ULK2: variants seen among roughly 807,000 people sequenced by gnomAD.
ULK2 encodes the protein serine/threonine-protein kinase ULK2.
In ULK2, 76 loss-of-function variants were observed where a neutral mutation model predicts 127.5. The ratio of observed to expected loss-of-function variants is 0.60; its 90% CI spans 0.50 to 0.72. The LOEUF is 0.72. Ranked by LOEUF, ULK2 falls within the 30% of genes least tolerant of loss-of-function variation. The probability of loss-of-function intolerance (pLI) is 0.00; values close to 1 mark genes in which losing one functional copy is unlikely to be tolerated. For synonymous variants in ULK2, 452 were observed against 461.9 expected (o/e 0.98, Z 0.28); for missense variants, 1,144 against 1,295.9 (o/e 0.88, Z 1.80).
At chr17:19,797,324 A>G in intron 18 of ULK2, 72 bp downstream of exon 18, 1 of 1,438,624 alleles carries the variant, frequency 7.0e-7, no homozygotes, top group African/African-American at 1.4e-5. Flanking sequence ...AATTATAGCT[A>G]TTCTCATAAT....
intron 16 of ULK2, among the ~76,000 whole-genome samples, chr17:19,800,751 ATTTT>A (rs1220518188): frequency 6.6e-6 from 1 of 151,572 alleles, no homozygotes; most frequent in Non-Finnish European, 1.5e-5. Context: ...TCCTGGAAGT[ATTTT>A]TTTTACAGTT....
At chr17:19,851,707 A>G (rs2152399954) in intron 3 of ULK2, among the ~76,000 whole-genome samples, 1 of 152,172 alleles carries the variant, frequency 6.6e-6, no homozygotes, top group South Asian at 2.1e-4. Flanking sequence ...TTCTTCTGGA[A>G]AAAGGAAATA....
At chr17:19,853,091 C>G (rs945172176) in intron 3 of ULK2, among the ~76,000 whole-genome samples, 9 of 151,646 alleles carry the variant, frequency 5.9e-5, no homozygotes, top group Non-Finnish European at 1.3e-4. Flanking sequence ...AAGAAAACTT[C>G]CTGGTTTCTT....
In ULK2 at chr17:19,774,455, A is replaced by G. The variant is rs1167329611; in HGVS notation, c.*1894T>C. 1 of 152,212 alleles carries G rather than the reference A, an allele frequency of 6.6e-6. No individual in the cohort carries two copies. The highest frequency in any genetic ancestry group is 2.4e-5 in the African/African-American group (1 of 41,464). 9.4% of individuals were successfully genotyped at this position (152,212 alleles called of 1,614,324 possible). Reference sequence around the variant, plus strand: ...TCCTGTCTTAAAAAAGAAATGGGAGAGGAAGAGGAGAGGATAGAATAAACC... The same window carrying G: ...TCCTGTCTTAAAAAAGAAATGGGAGGGGAAGAGGAGAGGATAGAATAAACC... On this transcript the variant is annotated 3_prime_UTR_variant, in exon 27 of 27. Transcript: ENST00000395544.
intron 5 of ULK2, chr17:19,848,341 T>C (rs771361703): frequency 5.3e-5 from 8 of 152,236 alleles, no homozygotes; most frequent in Non-Finnish European, 7.3e-5. Flanking sequence ...ATGTTCTATA[T>C]AACCTTTCCA....
intron 20 of ULK2, among the ~76,000 whole-genome samples, chr17:19,790,604 G>A (rs1164302446): frequency 6.6e-6 from 1 of 151,818 alleles, no homozygotes; most frequent in Non-Finnish European, 1.5e-5. Context: ...GAAGGAAAAA[G>A]AAGACCAGAA....
chr17:19,801,145 T>G (rs1431308298), intron 16 of ULK2, among the ~76,000 whole-genome samples: 5 of 152,208 alleles, frequency 3.3e-5, no homozygotes, highest in Admixed American at 3.3e-4. Flanking sequence ...AAAAGGCATT[T>G]TATGCACTTC....
chr17:19,780,677 TAA>T, intron 24 of ULK2, 48 bp from the exon 25 acceptor site: 6 of 1,546,898 alleles, frequency 3.9e-6, no homozygotes, highest in Non-Finnish European at 5.3e-6. Context: ...CCTCCAGAAA[TAA>T]AGACACAGTT....
At chr17:19,843,888 G>A (rs1473857599) in intron 7 of ULK2, among the ~76,000 whole-genome samples, 1 of 152,010 alleles carries the variant, frequency 6.6e-6, no homozygotes, top group Admixed American at 6.6e-5. Flanking sequence ...TCGAACTCCT[G>A]ACCTCGTGAT....
intron 12 of ULK2, among the ~76,000 whole-genome samples, chr17:19,819,776 G>A (rs925313411): frequency 4.6e-5 from 7 of 152,220 alleles, no homozygotes; most frequent in South Asian, 4.1e-4. Context: ...AGATCTGTGC[G>A]CTCTTTGCCT....
Position 19,780,295 on chromosome 17 carries a change from C to A in ULK2, c.2916+177G>T, listed in dbSNP as rs192603877. On this transcript the variant is annotated intron_variant, in intron 25 of 26. Transcript: ENST00000395544. ...GATTTGTAATTACTTAAAATACATC[C>A]AGTAAATGACATTAACAGTTGCTTA... Among the ~76,000 whole-genome samples, 772 of 152,224 alleles carry A rather than the reference C, an allele frequency of 5.1e-3. 5 individuals are homozygous for A. Among genetic ancestry groups the A allele is most frequent in the African/African-American group, 0.018 (741 of 41,524 alleles).
intron 17 of ULK2, among the ~76,000 whole-genome samples, chr17:19,798,522 C>T (rs921051958): frequency 1.3e-5 from 2 of 152,192 alleles, no homozygotes; most frequent in Non-Finnish European, 2.9e-5. Flanking sequence ...ACCTAACCAT[C>T]ATTCTTCTAA....
intron 16 of ULK2, among the ~76,000 whole-genome samples, chr17:19,801,407 C>T (rs157390): frequency 0.96 from 146,192 of 152,172 alleles, 70,415 homozygotes; most frequent in African/African-American, 0.99. Flanking sequence ...ACTTTGTCTC[C>T]GTAAAAATAA....
At chr17:19,840,750 G>A (rs1413539292) in intron 9 of ULK2, among the ~76,000 whole-genome samples, 1 of 151,196 alleles carries the variant, frequency 6.6e-6, no homozygotes. Context: ...TTAGAGGGGC[G>A]TGGTGGTGGG....
At chr17:19,779,652 G>A (rs1433310426) in intron 25 of ULK2, among the ~76,000 whole-genome samples, 1 of 150,290 alleles carries the variant, frequency 6.7e-6, no homozygotes, top group Non-Finnish European at 1.5e-5. Flanking sequence ...ATTTTTCCCC[G>A]AGAGGCAGAA....
intron 12 of ULK2, among the ~76,000 whole-genome samples, chr17:19,823,087 T>C (rs893626287): frequency 9.4e-5 from 14 of 149,172 alleles, no homozygotes; most frequent in Admixed American, 1.3e-4. Context: ...CAGCCTCCCT[T>C]ACAGCTGAGT....
At chr17:19,836,359 A>G (rs1022193159) in intron 10 of ULK2, among the ~76,000 whole-genome samples, 3 of 152,198 alleles carry the variant, frequency 2.0e-5, no homozygotes, top group African/African-American at 7.2e-5. Flanking sequence ...CAGTGAGCCG[A>G]GATCGCGCCA....
chr17:19,787,881 G>A (rs1353895586), intron 20 of ULK2, among the ~76,000 whole-genome samples: 3 of 152,176 alleles, frequency 2.0e-5, no homozygotes, highest in Non-Finnish European at 1.5e-5. Flanking sequence ...AGCTGTGTGT[G>A]GCAAGGAAAT....
intron 10 of ULK2, among the ~76,000 whole-genome samples, chr17:19,836,176 C>T (rs553025109): frequency 3.1e-4 from 46 of 149,598 alleles, no homozygotes; most frequent in African/African-American, 1.1e-3. Context: ...TTTGGGAGAC[C>T]GAGGCAGGTG....
Sources: allele counts gnomAD v4.1 joint callset (sites outside exome capture counted in the v4.1 genomes callset), GRCh38; gene constraint gnomAD v4.1.1; transcripts MANE v1.5; gene names NCBI Gene and HGNC (gene_info 2026-07-23, HGNC 2026-07-21).